Variants in ZDHHC14 observed in about 807,000 individuals in gnomAD.
The protein encoded by ZDHHC14 is zDHHC palmitoyltransferase 14.
In ZDHHC14, 16 loss-of-function variants were observed where a neutral mutation model predicts 47.7. The ratio of observed to expected loss-of-function variants is 0.34; its 90% CI spans 0.23 to 0.51. The LOEUF is 0.51. Ranked by LOEUF, ZDHHC14 falls within the 20% of genes least tolerant of loss-of-function variation. The pLI is 0.97. For synonymous variants in ZDHHC14, 293 were observed against 278.9 expected, an observed-to-expected ratio of 1.05 and a Z score of -0.50; for missense variants, 515 against 662.5, an observed-to-expected ratio of 0.78 and a Z score of 2.44.
chr6:157,493,194 C>T (rs1779972555), intron 1 of ZDHHC14, among the ~76,000 whole-genome samples: 2 of 152,134 alleles, frequency 1.3e-5, no homozygotes, highest in African/African-American at 4.8e-5. Context: ...TAGGGAAGAG[C>T]TGATGGATTG....
chr6:157,557,933 C>A (rs571140313), intron 2 of ZDHHC14, among the ~76,000 whole-genome samples: 1 of 152,212 alleles, frequency 6.6e-6, no homozygotes, highest in Non-Finnish European at 1.5e-5. Flanking sequence ...GCCAAGCCAG[C>A]GCTGTCCAGT....
chr6:157,469,134 A>G (rs1163931338), intron 1 of ZDHHC14, among the ~76,000 whole-genome samples: 2 of 152,224 alleles, frequency 1.3e-5, no homozygotes, highest in African/African-American at 4.8e-5. Context: ...GCAGCTGCCC[A>G]CATGTCCAGC....
intron 2 of ZDHHC14, among the ~76,000 whole-genome samples, chr6:157,584,919 C>T (rs1426384140): frequency 6.6e-6 from 1 of 152,144 alleles, no homozygotes; most frequent in East Asian, 1.9e-4. Context: ...AAAATACTGA[C>T]TTGGGATGGG....
chr6:157,672,983 A>G lies in ZDHHC14; in HGVS notation c.1328A>G (p.Glu443Gly), dbSNP rs778876122. The G allele has an allele frequency of 6.3e-7, 1 of 1,592,994 alleles. No individual in the cohort carries two copies. Among genetic ancestry groups the G allele is most frequent in the Non-Finnish European group, 8.5e-7 (1 of 1,173,758 alleles). Residue 443 changes from glutamate (E) to glycine (G), a missense_variant, in exon 9 of 9, where the codon GAG becomes GGG. Glu to Gly is a moderately conservative substitution (Grantham distance 98, BLOSUM62 -2). Transcript: ENST00000359775. ...HMGHQFLTPD[E>G]APSPPRLLAA... Reference sequence around the variant, plus strand: ...GGCCACCAGTTCCTGACGCCCGATGAGGCGCCCTCGCCCCCCAGGCTACTG... The same window carrying G: ...GGCCACCAGTTCCTGACGCCCGATGGGGCGCCCTCGCCCCCCAGGCTACTG...
At chr6:157,432,303 A>G (rs1583639568) in intron 1 of ZDHHC14, among the ~76,000 whole-genome samples, 1 of 152,226 alleles carries the variant, frequency 6.6e-6, no homozygotes, top group Non-Finnish European at 1.5e-5. Flanking sequence ...AGGGCTTGAC[A>G]GAGTGGGTGC....
intron 3 of ZDHHC14, among the ~76,000 whole-genome samples, chr6:157,595,048 T>C (rs186065754): frequency 3.3e-5 from 5 of 152,180 alleles, no homozygotes; most frequent in Non-Finnish European, 4.4e-5. Context: ...AGGGTGTTGT[T>C]ATCTGTAAAA....
chr6:157,534,275 C>T (rs1386069480), intron 1 of ZDHHC14, among the ~76,000 whole-genome samples: 4 of 152,174 alleles, frequency 2.6e-5, no homozygotes, highest in African/African-American at 9.7e-5. Context: ...CCTGGCTTGC[C>T]CTGACGATGC....
chr6:157,670,753 C>T (rs1325176776), intron 8 of ZDHHC14, among the ~76,000 whole-genome samples: 1 of 151,178 alleles, frequency 6.6e-6, no homozygotes, highest in Non-Finnish European at 1.5e-5. Flanking sequence ...AAGCAAGGAT[C>T]TTCGTGAGAC....
chr6:157,656,161 C>T (rs1413973962), intron 8 of ZDHHC14, among the ~76,000 whole-genome samples: 1 of 152,134 alleles, frequency 6.6e-6, no homozygotes, highest in Non-Finnish European at 1.5e-5. Context: ...GAAATGCTAG[C>T]GTTCATTTGC....
At chr6:157,579,199 T>G (rs1339024285) in intron 2 of ZDHHC14, among the ~76,000 whole-genome samples, 46 of 114,592 alleles carry the variant, frequency 4.0e-4, no homozygotes, top group Non-Finnish European at 6.2e-4. Flanking sequence ...TGTTTTTTTT[T>G]TTTTTTTTTT....
chr6:157,485,780 G>T (rs1004633779), intron 1 of ZDHHC14, among the ~76,000 whole-genome samples: 5 of 152,064 alleles, frequency 3.3e-5, no homozygotes, highest in Admixed American at 3.3e-4. Flanking sequence ...GGAGGCCAAG[G>T]CGGGTGGATC....
intron 1 of ZDHHC14, among the ~76,000 whole-genome samples, chr6:157,451,469 C>T (rs1410308648): frequency 2.0e-5 from 3 of 152,302 alleles, no homozygotes; most frequent in Admixed American, 6.5e-5. Flanking sequence ...ATTTGATAAA[C>T]GTTGATTTAA....
intron 6 of ZDHHC14, among the ~76,000 whole-genome samples, chr6:157,646,612 CAA>C (rs5881225): frequency 0.18 from 21,752 of 121,360 alleles, 2,151 homozygotes; most frequent in East Asian, 0.38. Context: ...CACTCCATCT[CAA>C]AAAAAAAAAA....
intron 2 of ZDHHC14, among the ~76,000 whole-genome samples, chr6:157,548,089 A>G (rs1782057226): frequency 6.6e-6 from 1 of 150,380 alleles, no homozygotes; most frequent in Admixed American, 6.6e-5. Context: ...ATACTGTTGA[A>G]TATACACCCC....
intron 3 of ZDHHC14, among the ~76,000 whole-genome samples, chr6:157,595,174 ATTTTTTTTTTTTTTTTTTT>A (rs777568494): frequency 2.0e-3 from 123 of 62,716 alleles, no homozygotes; most frequent in African/African-American, 6.1e-3. Flanking sequence ...TCTAGGCTAG[ATTTTTTTTTTTTTTTTTTT>A]TTTTTTTTTT....
intron 1 of ZDHHC14, among the ~76,000 whole-genome samples, chr6:157,394,005 G>T (rs550075619): frequency 6.6e-6 from 1 of 152,116 alleles, no homozygotes; most frequent in Admixed American, 6.5e-5. Context: ...GATCTCTGCC[G>T]AGGTGTCCTC....
In ZDHHC14 at chr6:157,409,806, C is replaced by CTTTAT. The variant is rs750811011; in HGVS notation, c.245+27557_245+27561dup. Among the ~76,000 whole-genome samples the CTTTAT allele has an allele frequency of 4.8e-3, 725 of 151,442 alleles. 3 individuals are homozygous for CTTTAT. The highest frequency in any genetic ancestry group is 7.7e-3 in the Non-Finnish European group (525 of 67,976). ...GGTTGGTCTTCTGCCTCACTGGCAG[C>CTTTAT]TTTATTTTATTTTATTTTATTATTT... On this transcript the variant is annotated intron_variant, in intron 1 of 8. Transcript: ENST00000359775.
At chr6:157,414,830 T>TTC (rs1270943580) in intron 1 of ZDHHC14, among the ~76,000 whole-genome samples, 2 of 151,486 alleles carry the variant, frequency 1.3e-5, no homozygotes, top group Non-Finnish European at 2.9e-5. Flanking sequence ...GCTTTTTTTT[T>TTC]TTTTTTTTTT....
intron 2 of ZDHHC14, among the ~76,000 whole-genome samples, chr6:157,572,352 G>C (rs76460146): frequency 0.053 from 8,041 of 152,174 alleles, 258 homozygotes; most frequent in Admixed American, 0.071. Flanking sequence ...TGCCCTAGAT[G>C]ATCCCGATCA....
Sources: gnomAD v4.1 joint callset for allele counts (sites outside exome capture counted in the v4.1 genomes callset) on GRCh38, gnomAD v4.1.1 for gene constraint, MANE v1.5 for transcripts, NCBI Gene and HGNC (gene_info 2026-07-23, HGNC 2026-07-21) for gene names.